The following ABCA9 variants were observed in gnomAD, a reference collection of about 807,000 sequenced individuals.
ABCA9 encodes the protein ATP-binding cassette sub-family A member 9.
In ABCA9, 183 loss-of-function variants were observed where a neutral mutation model predicts 205.3. That is an observed-to-expected ratio of 0.89 (90% CI 0.79 to 1.01). The LOEUF is 1.01. ABCA9 is among the 50% of genes least tolerant of loss of function. The probability of loss-of-function intolerance (pLI) is 0.00; values close to 1 mark genes in which losing one functional copy is unlikely to be tolerated. For missense variants in ABCA9, 1,805 were observed against 1,912.4 expected, an observed-to-expected ratio of 0.94 and a Z score of 1.05; for synonymous variants, 651 against 683.3, an observed-to-expected ratio of 0.95 and a Z score of 0.74.
At chr17:68,981,965 T>C (rs2069068960) in intron 37 of ABCA9, among the ~76,000 whole-genome samples, 1 of 146,444 alleles carries the variant, frequency 6.8e-6, no homozygotes, top group Non-Finnish European at 1.5e-5. Flanking sequence ...TTTCATACAC[T>C]AACATGACAG....
intron 36 of ABCA9, 47 bp downstream of exon 36, chr17:68,983,654 AGAAATATG>A: frequency 6.3e-7 from 1 of 1,597,022 alleles, no homozygotes; most frequent in South Asian, 1.1e-5. Context: ...TCATCATAGC[AGAAATATG>A]GAAACAAAAA....
At chr17:68,995,179 CCTT>C (rs1178833216) in intron 26 of ABCA9, among the ~76,000 whole-genome samples, 12 of 152,188 alleles carry the variant, frequency 7.9e-5, no homozygotes, top group Admixed American at 7.9e-4. Context: ...ATCACTCCCT[CCTT>C]CTTGAAATGT....
intron 15 of ABCA9, 131 bp from the exon 16 acceptor site, chr17:69,026,598 T>C: frequency 1.4e-6 from 1 of 733,648 alleles, no homozygotes; most frequent in Non-Finnish European, 2.2e-6. Context: ...ATTCTGGCCA[T>C]ACGTAAACCA....
chr17:68,975,887 T>A lies in ABCA9; in HGVS notation c.*28A>T. The A allele has an allele frequency of 6.5e-7, 1 of 1,528,094 alleles. No individual in the cohort carries two copies. Among genetic ancestry groups the A allele is most frequent in the Non-Finnish European group, 9.0e-7 (1 of 1,108,408 alleles). The allele number at this position is 1,528,094 out of a possible 1,614,324, so 94.7% of individuals were successfully genotyped here. On this transcript the variant is annotated 3_prime_UTR_variant, in exon 39 of 39. Transcript: ENST00000340001. The stretch of plus-strand genomic sequence containing the variant: ...ATTATCTTTAAAAGAGTCACAGGAT[T>A]AAAGAAAGATATAGGGTATTTGGAG...
At position 69,016,227 on chromosome 17, in the gene ABCA9, TATAA is replaced by T. The variant is rs377317996; in HGVS notation, c.3039+22_3039+25del. The T allele has an allele frequency of 3.5e-4, 537 of 1,535,468 alleles. 4 individuals are homozygous for T. The African/African-American group carries it at 6.4e-3, about 18-fold the overall frequency. Reference sequence around the variant, plus strand: ...TTCTTGAAAACTTATCATGGCACAGTATAAATGAGATATAATTATACTTACTTCA... The same window carrying T: ...TTCTTGAAAACTTATCATGGCACAGTATGAGATATAATTATACTTACTTCA... On this transcript the variant is annotated intron_variant, in intron 22 of 38. Coordinates refer to ENST00000340001, the MANE Select transcript of ABCA9 (RefSeq NM_080283.4).
rs72186562 is a variant in ABCA9 at position 68,987,742 on chromosome 17, TTTTGTTTG to T, written c.4047+1277_4047+1284del. ...TTGACATGACCTCATTTGCGTTTTTTTTTGTTTGTTTGTTTGTTTGTTTGTTTTTTTGT... is the reference window on the plus strand; with the variant it reads ...TTGACATGACCTCATTTGCGTTTTTTTTTGTTTGTTTGTTTGTTTTTTTGT... On this transcript the variant is annotated intron_variant, in intron 31 of 38. Coordinates refer to ENST00000340001, the MANE Select transcript of ABCA9 (RefSeq NM_080283.4). Among the ~76,000 whole-genome samples the T allele has an allele frequency of 2.0e-4, 27 of 135,846 alleles. 1 individual carries two copies. Among genetic ancestry groups the T allele is most frequent in the African/African-American group, 7.0e-4 (26 of 36,890 alleles). The allele number at this position is 135,846 out of a possible 152,430, so 89.1% of individuals were successfully genotyped here. A position where few individuals can be genotyped will look rare whatever the true frequency, so the allele number is the denominator to read the frequency against.
chr17:68,981,472 G>C (rs1288662876), intron 37 of ABCA9, among the ~76,000 whole-genome samples: 1 of 152,130 alleles, frequency 6.6e-6, no homozygotes, highest in African/African-American at 2.4e-5. Flanking sequence ...CCTTCCAACT[G>C]GAAAGATGCC....
chr17:69,072,149 G>A, the ABCA9 span, among the ~76,000 whole-genome samples: 20 of 152,162 alleles, frequency 1.3e-4, no homozygotes. Flanking sequence ...CGGGGAGAAT[G>A]GAACCAAGTT....
At chr17:69,065,623 A>C (rs980637336), upstream of ABCA9, among the ~76,000 whole-genome samples, 21 of 151,980 alleles carry the variant, frequency 1.4e-4, 1 homozygote, top group African/African-American at 4.8e-4. Context: ...CCTGTAACTA[A>C]CTCCGGTTCA....
chr17:69,001,303 T>G (rs1488889398), intron 25 of ABCA9, among the ~76,000 whole-genome samples: 5 of 152,210 alleles, frequency 3.3e-5, no homozygotes, highest in Non-Finnish European at 5.9e-5. Context: ...CAATACCTAA[T>G]TTATTGAGAG....
upstream of ABCA9, among the ~76,000 whole-genome samples, chr17:69,062,139 T>TAA (rs879494478): frequency 2.3e-5 from 3 of 131,956 alleles, no homozygotes; most frequent in East Asian, 2.1e-4. Flanking sequence ...CTGTCAAACT[T>TAA]AAAAAAAAAA....
the ABCA9 span, among the ~76,000 whole-genome samples, chr17:69,067,492 G>T: frequency 6.6e-6 from 1 of 151,242 alleles, no homozygotes; most frequent in African/African-American, 2.4e-5. Flanking sequence ...GGAGGTGGAC[G>T]TTGCAGTGAG....
At chr17:68,983,661 T>C in intron 36 of ABCA9, 48 bp downstream of exon 36, 1 of 1,601,294 alleles carries the variant, frequency 6.2e-7, no homozygotes, top group Non-Finnish European at 8.5e-7. Context: ...AGCAGAAATA[T>C]GGAAACAAAA....
At position 69,018,402 on chromosome 17, in the gene ABCA9, C is replaced by A; in HGVS notation, c.2767+11G>T. ...CAACATTTAACAGCTGCATTTCAGC[C>A]CCATGTTCACCTGTCTTATTGATGA... On this transcript the variant is annotated intron_variant, in intron 20 of 38. Transcript: ENST00000340001. 7.2e-6 allele frequency: 11 copies of A among 1,523,324 alleles called. No individual in the cohort carries two copies. The highest frequency in any genetic ancestry group is 9.6e-6 in the Non-Finnish European group (11 of 1,141,186). The allele number at this position is 1,523,324 out of a possible 1,614,324, so 94.4% of individuals were successfully genotyped here. A position where few individuals can be genotyped will look rare whatever the true frequency, so the allele number is the denominator to read the frequency against.
chr17:69,061,438 G>A (rs1443917796), upstream of ABCA9, among the ~76,000 whole-genome samples: 9 of 151,926 alleles, frequency 5.9e-5, no homozygotes, highest in Non-Finnish European at 8.8e-5. Flanking sequence ...CCAGAAATAC[G>A]GCAATAAAGC....
intron 19 of ABCA9, among the ~76,000 whole-genome samples, chr17:69,019,695 A>C (rs559148881): frequency 1.3e-5 from 2 of 152,312 alleles, no homozygotes; most frequent in South Asian, 4.1e-4. Flanking sequence ...GGATGAATGA[A>C]TGTTCTCAGT....
intron 1 of ABCA9, among the ~76,000 whole-genome samples, chr17:69,059,191 T>G (rs962194618): frequency 2.0e-5 from 3 of 151,982 alleles, no homozygotes; most frequent in Admixed American, 1.3e-4. Context: ...TCACAAGGCA[T>G]AGTTGAAGAG....
intron 10 of ABCA9, among the ~76,000 whole-genome samples, chr17:69,030,990 C>G (rs1282483257): frequency 1.3e-5 from 2 of 152,130 alleles, no homozygotes; most frequent in East Asian, 3.9e-4. Context: ...CCGCACCAGC[C>G]ACAGTAATGA....
chr17:69,043,270 C>G (rs1249361433), intron 6 of ABCA9: 5 of 453,530 alleles, frequency 1.1e-5, no homozygotes, highest in Admixed American at 4.0e-5. Flanking sequence ...AGGTGGAGCT[C>G]AGGTGGTAAT....
Sources: allele counts gnomAD v4.1 joint callset (sites outside exome capture counted in the v4.1 genomes callset), GRCh38; gene constraint gnomAD v4.1.1; transcripts MANE v1.5; gene names NCBI Gene and HGNC (gene_info 2026-07-23, HGNC 2026-07-21).